The following PRELID2 variants were observed in gnomAD, a reference collection of about 807,000 sequenced individuals.
PRELID2 encodes PRELI domain containing 2, also known as PRELI domain-containing protein 2.
In PRELID2, 25 loss-of-function variants were observed where a neutral mutation model predicts 28.4. The ratio of observed to expected loss-of-function variants is 0.88; its 90% CI spans 0.64 to 1.23. The LOEUF (loss-of-function observed/expected upper bound fraction) is 1.23, where lower values mean the gene tolerates loss of function less well. PRELID2 is among the 50% of genes most tolerant of loss of function. PRELID2 has a pLI of 0.00. For missense variants in PRELID2, 201 were observed against 214.4 expected (o/e 0.94, Z 0.39); for synonymous variants, 76 against 71.6 (o/e 1.06, Z -0.31).
At chr5:145,651,017 G>A (rs1754287283) in intron 1 of PRELID2, among the ~76,000 whole-genome samples, 1 of 152,172 alleles carries the variant, frequency 6.6e-6, no homozygotes, top group South Asian at 2.1e-4. Flanking sequence ...GCCAAGGGAA[G>A]CTGTGACAGA....
chr5:145,356,017 A>G, the PRELID2 span, among the ~76,000 whole-genome samples: 1 of 152,166 alleles, frequency 6.6e-6, no homozygotes, highest in Non-Finnish European at 1.5e-5. Context: ...TAAGAGTACT[A>G]CAGTTTTGAA....
intron 1 of PRELID2, among the ~76,000 whole-genome samples, chr5:145,506,566 C>T (rs994264545): frequency 6.6e-5 from 10 of 152,252 alleles, no homozygotes; most frequent in African/African-American, 2.4e-4. Flanking sequence ...AGAGACCAAG[C>T]TGAACTGTGA....
the PRELID2 span, chr5:145,450,732 T>A: frequency 6.6e-6 from 1 of 152,094 alleles, no homozygotes; most frequent in Non-Finnish European, 1.5e-5. Context: ...AAGGACACAA[T>A]TGAATAATGC....
chr5:145,323,883 A>G, the PRELID2 span, among the ~76,000 whole-genome samples: 5 of 152,122 alleles, frequency 3.3e-5, no homozygotes, highest in African/African-American at 1.2e-4. Context: ...ATTTAGGTCG[A>G]TTTCATGTCT....
chr5:145,245,840 A>G, the PRELID2 span, among the ~76,000 whole-genome samples: 1 of 152,008 alleles, frequency 6.6e-6, no homozygotes, highest in African/African-American at 2.4e-5. Context: ...ACAGAGGATG[A>G]TTCTTCCTCT....
chr5:145,653,964 G>T (rs914548476), intron 1 of PRELID2, among the ~76,000 whole-genome samples: 2 of 151,902 alleles, frequency 1.3e-5, no homozygotes, highest in African/African-American at 2.4e-5. Context: ...CCAGGAGCTG[G>T]TTTTTTTAAA....
At chr5:145,577,972 C>T (rs959591266) in intron 1 of PRELID2, among the ~76,000 whole-genome samples, 18 of 152,096 alleles carry the variant, frequency 1.2e-4, no homozygotes, top group South Asian at 4.1e-4. Flanking sequence ...TAATCAATGA[C>T]GAATGACATT....
At position 145,811,210 on chromosome 5, in the gene PRELID2, C is replaced by T. The variant is rs184861265; in HGVS notation, c.368+6684G>A. Among the ~76,000 whole-genome samples the T allele has an allele frequency of 5.5e-4, 83 of 151,078 alleles. No individual in the cohort carries two copies. In the South Asian group the frequency reaches 7.5e-3, roughly 14 times the overall value. ...ACAGCATGGGAAAGACCTGCCCCCA[C>T]GATTTAATTGCCTCCCACTGGGTCC... On this transcript the variant is annotated intron_variant, in intron 4 of 6. Coordinates refer to ENST00000683046, the MANE Select transcript of PRELID2 (RefSeq NM_205846.3).
At chr5:145,372,521 T>G in the PRELID2 span, among the ~76,000 whole-genome samples, 1 of 152,056 alleles carries the variant, frequency 6.6e-6, no homozygotes, top group Admixed American at 6.6e-5. Flanking sequence ...TTTATGAATC[T>G]GGGTGCTCTT....
the PRELID2 span, among the ~76,000 whole-genome samples, chr5:145,306,019 G>C: frequency 1.3e-4 from 20 of 152,286 alleles, no homozygotes; most frequent in African/African-American, 4.8e-4. Flanking sequence ...TTCTCAGATA[G>C]CAGAAGTACA....
At chr5:145,565,444 T>C (rs186265259) in intron 1 of PRELID2, among the ~76,000 whole-genome samples, 259 of 152,342 alleles carry the variant, frequency 1.7e-3, no homozygotes, top group African/African-American at 6.1e-3. Flanking sequence ...TTCATCCAAT[T>C]CAACTGTAAA....
chr5:145,643,924 A>G (rs1754152240), intron 1 of PRELID2, among the ~76,000 whole-genome samples: 1 of 152,042 alleles, frequency 6.6e-6, no homozygotes, highest in Non-Finnish European at 1.5e-5. Context: ...CCAGTATTTT[A>G]TTGAGGATTT....
the PRELID2 span, among the ~76,000 whole-genome samples, chr5:145,263,379 G>A: frequency 0.38 from 57,779 of 151,750 alleles, 11,830 homozygotes; most frequent in African/African-American, 0.51. Flanking sequence ...ACTGCAGAAT[G>A]TATCTTATTT....
At chr5:145,586,398 T>C (rs1387389036) in intron 1 of PRELID2, among the ~76,000 whole-genome samples, 9 of 151,972 alleles carry the variant, frequency 5.9e-5, no homozygotes, top group Admixed American at 1.3e-4. Flanking sequence ...ATCCTAGCAA[T>C]TTGGGAGGCT....
intron 1 of PRELID2, among the ~76,000 whole-genome samples, chr5:145,700,034 GCA>G (rs1755371149): frequency 6.6e-6 from 1 of 152,108 alleles, no homozygotes; most frequent in Admixed American, 6.6e-5. Flanking sequence ...ACATGGATAA[GCA>G]CAGTCACATA....
chr5:145,504,116 T>C (rs1001628809), intron 1 of PRELID2, among the ~76,000 whole-genome samples: 2 of 152,176 alleles, frequency 1.3e-5, no homozygotes, highest in African/African-American at 4.8e-5. Context: ...TGCTAGACTA[T>C]AATGCCACTC....
chr5:145,262,019 A>G, the PRELID2 span, among the ~76,000 whole-genome samples: 1 of 152,200 alleles, frequency 6.6e-6, no homozygotes, highest in Non-Finnish European at 1.5e-5. Flanking sequence ...TACATCCAGA[A>G]TGAAGGACAC....
At chr5:145,743,427 A>G (rs1212855686) in intron 1 of PRELID2, among the ~76,000 whole-genome samples, 232 of 150,818 alleles carry the variant, frequency 1.5e-3, no homozygotes, top group African/African-American at 4.9e-3. Flanking sequence ...AAAAAAAAAA[A>G]AAAGAAAGAA....
the PRELID2 span, among the ~76,000 whole-genome samples, chr5:145,424,048 G>GA: frequency 0.027 from 3,766 of 140,470 alleles, 137 homozygotes; most frequent in African/African-American, 0.083. Context: ...TAGGCTGCTC[G>GA]GGGGTCAGGG....
Sources: allele counts gnomAD v4.1 joint callset (sites outside exome capture counted in the v4.1 genomes callset), GRCh38; gene constraint gnomAD v4.1.1; transcripts MANE v1.5; gene names NCBI Gene and HGNC (gene_info 2026-07-23, HGNC 2026-07-21).